Variants in RGS6 observed in about 807,000 individuals in gnomAD.
The protein encoded by RGS6 is regulator of G protein signaling 6.
Under a neutral mutation model 78.5 loss-of-function variants are expected in RGS6, and 30 were observed. The ratio of observed to expected loss-of-function variants is 0.38; its 90% CI spans 0.29 to 0.52. The LOEUF (loss-of-function observed/expected upper bound fraction) is 0.52. Among genes scored for constraint, RGS6 ranks in the 20% least tolerant of loss-of-function variants. The pLI, the probability that RGS6 is intolerant of heterozygous loss-of-function variation, is 0.85. For missense variants in RGS6, 495 were observed against 609.7 expected (o/e 0.81, Z 1.98); for synonymous variants, 206 against 206.0 (o/e 1.00, Z 0.00).
At chr14:72,288,417 C>A (rs906728746) in intron 2 of RGS6, among the ~76,000 whole-genome samples, 6 of 152,152 alleles carry the variant, frequency 3.9e-5, no homozygotes, top group African/African-American at 1.2e-4. Flanking sequence ...CCAGGTGCAG[C>A]CCTCAATACT....
intron 1 of RGS6, among the ~76,000 whole-genome samples, chr14:71,946,526 A>C (rs2091546295): frequency 6.6e-6 from 1 of 152,144 alleles, no homozygotes; most frequent in African/African-American, 2.4e-5. Flanking sequence ...TGTGTTCAAG[A>C]AACTTAAAAT....
rs566147952 is a variant in RGS6 at position 71,975,943 on chromosome 14, C to T, written c.84+11068C>T. On this transcript the variant is annotated intron_variant, in intron 2 of 17. Transcript: ENST00000553525. ...GTGCTTCAACATGGATATTTTCTAC[C>T]GACTTATCCTCCAGTTCACTAATTC... Among the ~76,000 whole-genome samples, 10 of 152,070 alleles carry T rather than the reference C, an allele frequency of 6.6e-5. No individual in the cohort carries two copies. The East Asian group carries it at 1.5e-3, about 24-fold the overall frequency.
At chr14:72,336,440 T>C (rs2076043857) in intron 2 of RGS6, among the ~76,000 whole-genome samples, 1 of 152,056 alleles carries the variant, frequency 6.6e-6, no homozygotes, top group Non-Finnish European at 1.5e-5. Context: ...TCAGACAATA[T>C]GCAAGAAGTC....
At chr14:71,973,931 A>G (rs893563504) in intron 2 of RGS6, among the ~76,000 whole-genome samples, 13 of 152,150 alleles carry the variant, frequency 8.5e-5, no homozygotes, top group Admixed American at 5.9e-4. Flanking sequence ...GATGAAAGGG[A>G]TGGTATTTTT....
intron 2 of RGS6, among the ~76,000 whole-genome samples, chr14:72,171,656 A>G (rs1038795933): frequency 3.3e-5 from 5 of 152,222 alleles, no homozygotes; most frequent in East Asian, 1.9e-4. Context: ...TCTGGCTTCT[A>G]TCATGAAACT....
chr14:72,147,536 A>G (rs982669579), intron 2 of RGS6, among the ~76,000 whole-genome samples: 10 of 152,242 alleles, frequency 6.6e-5, no homozygotes, highest in African/African-American at 2.2e-4. Flanking sequence ...ATGAGCCCTC[A>G]TGACCTAATT....
chr14:72,465,890 G>T, intron 7 of RGS6, 68 bp downstream of exon 7: 1 of 1,316,744 alleles, frequency 7.6e-7, no homozygotes, highest in Non-Finnish European at 1.1e-6. Context: ...CTCCGTCTAA[G>T]TTTATTTTTT....
chr14:71,934,546 A>C (rs562489061), intron 1 of RGS6, among the ~76,000 whole-genome samples: 2 of 152,342 alleles, frequency 1.3e-5, no homozygotes, highest in South Asian at 2.1e-4. Context: ...TGAAGCAATA[A>C]ATTCATCTTA....
At chr14:71,956,410 A>T (rs894190367) in intron 1 of RGS6, among the ~76,000 whole-genome samples, 2 of 151,440 alleles carry the variant, frequency 1.3e-5, no homozygotes, top group Admixed American at 1.3e-4. Context: ...GTGTGTGTGT[A>T]TATATATGTA....
intron 2 of RGS6, among the ~76,000 whole-genome samples, chr14:72,282,001 T>C (rs1187447048): frequency 6.6e-6 from 1 of 152,354 alleles, no homozygotes; most frequent in East Asian, 1.9e-4. Flanking sequence ...GTGGCTGCTA[T>C]AAAACTATCA....
the RGS6 span, among the ~76,000 whole-genome samples, chr14:72,609,727 GC>G: frequency 2.6e-5 from 4 of 152,312 alleles, no homozygotes; most frequent in African/African-American, 4.8e-5. Flanking sequence ...GGAGGTGGGA[GC>G]TTTTTGTTTG....
At chr14:72,400,750 T>C (rs1331063711) in intron 3 of RGS6, among the ~76,000 whole-genome samples, 1 of 152,240 alleles carries the variant, frequency 6.6e-6, no homozygotes, top group African/African-American at 2.4e-5. Context: ...AATGGGATGA[T>C]ACTATAAATT....
intron 3 of RGS6, among the ~76,000 whole-genome samples, chr14:72,356,269 A>T (rs1319064951): frequency 6.6e-6 from 1 of 151,974 alleles, no homozygotes; most frequent in Non-Finnish European, 1.5e-5. Context: ...ATAGCGAGTG[A>T]GTTCTCACAA....
intron 17 of RGS6, chr14:72,540,498 A>G: frequency 6.4e-7 from 1 of 1,564,364 alleles, no homozygotes; most frequent in Non-Finnish European, 8.6e-7. Flanking sequence ...TCGAAAAAAA[A>G]AAAAAAAGCC....
the RGS6 span, among the ~76,000 whole-genome samples, chr14:72,573,549 T>C: frequency 3.3e-5 from 5 of 152,238 alleles, no homozygotes; most frequent in African/African-American, 1.2e-4. Flanking sequence ...GATGCCCCTG[T>C]GTTTCCTTTG....
chr14:72,453,532 C>G (rs1030297330), intron 3 of RGS6, among the ~76,000 whole-genome samples: 1 of 135,614 alleles, frequency 7.4e-6, no homozygotes, highest in African/African-American at 2.8e-5. Flanking sequence ...AGGAGAATGG[C>G]GTGAACCCGG....
the RGS6 span, among the ~76,000 whole-genome samples, chr14:71,901,765 G>A: frequency 6.6e-6 from 1 of 152,140 alleles, no homozygotes; most frequent in Non-Finnish European, 1.5e-5. Flanking sequence ...TGATAGCCAT[G>A]TCTCCTTGCT....
At chr14:72,533,463 G>C (rs188118448) in intron 15 of RGS6, among the ~76,000 whole-genome samples, 1 of 152,238 alleles carries the variant, frequency 6.6e-6, no homozygotes, top group East Asian at 1.9e-4. Flanking sequence ...GGATCAAGAA[G>C]TAATTTCAAC....
intron 2 of RGS6, among the ~76,000 whole-genome samples, chr14:72,079,170 CTT>C (rs56875273): frequency 1.4e-3 from 204 of 148,786 alleles, no homozygotes; most frequent in African/African-American, 4.7e-3. Context: ...GCCTTTGTGC[CTT>C]TTTTTTTTCC....
Sources: allele counts gnomAD v4.1 joint callset (sites outside exome capture counted in the v4.1 genomes callset), GRCh38; gene constraint gnomAD v4.1.1; transcripts MANE v1.5; gene names NCBI Gene and HGNC (gene_info 2026-07-23, HGNC 2026-07-21).